SLC35F1: variants seen among roughly 807,000 people sequenced by gnomAD.
The protein encoded by SLC35F1 is solute carrier family 35 member F1.
Under a neutral mutation model 48.7 loss-of-function variants are expected in SLC35F1, and 14 were observed. That is an observed-to-expected ratio of 0.29 (90% CI 0.19 to 0.45). The LOEUF is 0.45. Among genes scored for constraint, SLC35F1 ranks in the 20% least tolerant of loss-of-function variants. The pLI is 1.00. For missense variants in SLC35F1, 404 were observed against 500.0 expected (o/e 0.81, Z 1.83); for synonymous variants, 190 against 202.2 (o/e 0.94, Z 0.51).
chr6:117,953,805 A>G (rs1012476743), intron 1 of SLC35F1, among the ~76,000 whole-genome samples: 2 of 152,208 alleles, frequency 1.3e-5, no homozygotes, highest in Non-Finnish European at 2.9e-5. Context: ...GAAGGTGTCT[A>G]AGTAGGTGGG....
chr6:118,288,086 G>T (rs1424038519), intron 7 of SLC35F1, among the ~76,000 whole-genome samples: 3 of 151,220 alleles, frequency 2.0e-5, no homozygotes, highest in African/African-American at 7.3e-5. Flanking sequence ...CTTAAAGCAG[G>T]GATTGATCCA....
At chr6:118,149,609 A>G (rs1774026245) in intron 1 of SLC35F1, among the ~76,000 whole-genome samples, 1 of 152,176 alleles carries the variant, frequency 6.6e-6, no homozygotes, top group Non-Finnish European at 1.5e-5. Context: ...AAGACTCATG[A>G]ACTAATCTGA....
chr6:118,080,468 AT>A (rs1238679320), intron 1 of SLC35F1, among the ~76,000 whole-genome samples: 1 of 152,238 alleles, frequency 6.6e-6, no homozygotes, highest in African/African-American at 2.4e-5. Context: ...AGAACACATC[AT>A]GGCTAAAGCT....
intron 1 of SLC35F1, among the ~76,000 whole-genome samples, chr6:118,116,201 A>G (rs890730485): frequency 6.6e-6 from 1 of 152,136 alleles, no homozygotes; most frequent in African/African-American, 2.4e-5. Flanking sequence ...CACTTTATAG[A>G]GTGGGAGAAT....
chr6:118,097,571 T>C lies in SLC35F1; in HGVS notation c.174-56874T>C, dbSNP rs78168258. On this transcript the variant is annotated intron_variant, in intron 1 of 7. Coordinates refer to ENST00000360388, the MANE Select transcript of SLC35F1 (RefSeq NM_001029858.4). ...ATTTTGGTCTAAATGTCAGCTGTCATGAATGGGAAATCTGAGGGCACAGCT... is the reference window on the plus strand; with the variant it reads ...ATTTTGGTCTAAATGTCAGCTGTCACGAATGGGAAATCTGAGGGCACAGCT... Among the ~76,000 whole-genome samples the C allele has an allele frequency of 4.7e-3, 715 of 152,312 alleles. 18 individuals are homozygous for C. In the East Asian group the frequency reaches 0.05, roughly 11 times the overall value.
intron 1 of SLC35F1, among the ~76,000 whole-genome samples, chr6:118,047,499 T>A (rs970167720): frequency 1.1e-4 from 16 of 152,190 alleles, no homozygotes; most frequent in Non-Finnish European, 2.1e-4. Flanking sequence ...CTATTGTGGA[T>A]AAAACAGTAA....
chr6:118,216,557 A>G (rs749039768), intron 2 of SLC35F1, among the ~76,000 whole-genome samples: 2 of 152,116 alleles, frequency 1.3e-5, no homozygotes, highest in African/African-American at 4.8e-5. Flanking sequence ...GAGCAAAGCC[A>G]GTCAGGAAAT....
chr6:118,021,989 A>C (rs1049350381), intron 1 of SLC35F1, among the ~76,000 whole-genome samples: 1 of 152,136 alleles, frequency 6.6e-6, no homozygotes, highest in Non-Finnish European at 1.5e-5. Context: ...TGCAGTGTCA[A>C]ACTTCTGCCA....
At chr6:118,103,587 A>C (rs1773289111) in intron 1 of SLC35F1, among the ~76,000 whole-genome samples, 1 of 152,236 alleles carries the variant, frequency 6.6e-6, no homozygotes, top group African/African-American at 2.4e-5. Flanking sequence ...ACTGCCACAG[A>C]AATGGTAGGA....
chr6:117,978,288 C>T (rs1245643879), intron 1 of SLC35F1, among the ~76,000 whole-genome samples: 1 of 152,044 alleles, frequency 6.6e-6, no homozygotes, highest in Non-Finnish European at 1.5e-5. Context: ...CTTCCCCCTC[C>T]CCTGGCCCCC....
intron 2 of SLC35F1, among the ~76,000 whole-genome samples, chr6:118,210,067 G>C (rs182083008): frequency 5.9e-5 from 9 of 152,264 alleles, no homozygotes; most frequent in South Asian, 2.1e-4. Context: ...AAGACACTTA[G>C]TTGGAGCAAG....
intron 1 of SLC35F1, among the ~76,000 whole-genome samples, chr6:117,923,646 C>CATATATACATATACATATGTACAT (rs1178826026): frequency 9.8e-6 from 1 of 102,012 alleles, no homozygotes; most frequent in African/African-American, 4.1e-5. Flanking sequence ...TACATATGTA[C>CATATATACATATACATATGTACAT]ATATGTACAT....
At chr6:118,128,654 A>C (rs1773664816) in intron 1 of SLC35F1, among the ~76,000 whole-genome samples, 1 of 151,776 alleles carries the variant, frequency 6.6e-6, no homozygotes. Flanking sequence ...CACTCCAGGG[A>C]CTGTTGTGGG....
At chr6:118,294,386 A>G (rs1445385856) in intron 7 of SLC35F1, among the ~76,000 whole-genome samples, 1 of 152,250 alleles carries the variant, frequency 6.6e-6, no homozygotes, top group Non-Finnish European at 1.5e-5. Context: ...AAAATGCCAA[A>G]CAGTTCTTTC....
chr6:118,038,998 A>G (rs1438245279), intron 1 of SLC35F1, among the ~76,000 whole-genome samples: 2 of 152,118 alleles, frequency 1.3e-5, no homozygotes, highest in African/African-American at 4.8e-5. Flanking sequence ...TTGTATATTG[A>G]TGTTGTATCC....
At chr6:118,094,173 C>T (rs76845608) in intron 1 of SLC35F1, among the ~76,000 whole-genome samples, 1,693 of 152,224 alleles carry the variant, frequency 0.011, 27 homozygotes, top group African/African-American at 0.039. Flanking sequence ...AGCAGGGATA[C>T]TTTCAAGAGC....
intron 2 of SLC35F1, among the ~76,000 whole-genome samples, chr6:118,204,046 A>G (rs567372034): frequency 2.6e-5 from 4 of 151,840 alleles, no homozygotes; most frequent in Non-Finnish European, 5.9e-5. Context: ...AATAATTAGG[A>G]TGGAGGGCCT....
chr6:117,999,984 G>C (rs1054710793), intron 1 of SLC35F1, among the ~76,000 whole-genome samples: 4 of 151,376 alleles, frequency 2.6e-5, no homozygotes, highest in African/African-American at 9.7e-5. Context: ...AAGAGTCCAG[G>C]ACCAGATGGA....
intron 1 of SLC35F1, among the ~76,000 whole-genome samples, chr6:117,972,480 A>G (rs1342988795): frequency 6.6e-6 from 1 of 152,124 alleles, no homozygotes; most frequent in Non-Finnish European, 1.5e-5. Context: ...GTCTGTTCTC[A>G]TGCTGCTAAT....
Sources: gnomAD v4.1 joint callset for allele counts (sites outside exome capture counted in the v4.1 genomes callset) on GRCh38, gnomAD v4.1.1 for gene constraint, MANE v1.5 for transcripts, NCBI Gene and HGNC (gene_info 2026-07-23, HGNC 2026-07-21) for gene names.